Variants in ASB4 observed in about 807,000 individuals in gnomAD.
ASB4 encodes the protein ankyrin repeat and SOCS box protein 4.
ASB4 carries 35 observed loss-of-function variants against 38.6 expected under a neutral mutation model. The ratio of observed to expected loss-of-function variants is 0.91; its 90% CI spans 0.69 to 1.20. The LOEUF is 1.20. Ranked by LOEUF, ASB4 falls within the 50% of genes most tolerant of loss-of-function variation. ASB4 has a pLI of 0.00. For missense variants in ASB4, 557 were observed against 527.2 expected (o/e 1.06, Z -0.55); for synonymous variants, 195 against 201.3 (o/e 0.97, Z 0.26).
chr7:95,495,802 G>A lies in ASB4; in HGVS notation c.232G>A (p.Gly78Ser). The A allele has an allele frequency of 2.5e-6, 4 of 1,612,388 alleles. No individual in the cohort carries two copies. Among genetic ancestry groups the A allele is most frequent in the Non-Finnish European group, 3.4e-6 (4 of 1,179,718 alleles). ...SYKLKSSWATGLHLSVLFGHV... is the reference protein window; with the variant it reads ...SYKLKSSWATSLHLSVLFGHV... ...TAAATTGAAGTCTTCCTGGGCCACA[G>A]GCCTCCATCTCTCTGTCTTGTTTGG... Residue 78 changes from glycine to serine, a missense_variant, in exon 2 of 5, where the codon GGC (glycine) becomes AGC (serine). By Grantham distance (56) the Gly-to-Ser change is moderately conservative. Transcript: ENST00000325885.
chr7:95,492,879 C>T (rs1319081332), intron 1 of ASB4, among the ~76,000 whole-genome samples: 1 of 152,096 alleles, frequency 6.6e-6, no homozygotes, highest in Non-Finnish European at 1.5e-5. Flanking sequence ...TAATGTGATT[C>T]GTTCATCATC....
chr7:95,489,407 A>G (rs76440896), intron 1 of ASB4, among the ~76,000 whole-genome samples: 4,646 of 152,270 alleles, frequency 0.031, 229 homozygotes, highest in African/African-American at 0.11. Flanking sequence ...TCCAGAGTTC[A>G]TGTTCAAACT....
At chr7:95,497,001 A>G (rs1790260310) in intron 2 of ASB4, among the ~76,000 whole-genome samples, 1 of 152,132 alleles carries the variant, frequency 6.6e-6, no homozygotes. Flanking sequence ...TTAAACAGAT[A>G]GAAGAGGGCT....
upstream of ASB4, among the ~76,000 whole-genome samples, chr7:95,473,521 G>T (rs1789944719): frequency 6.6e-6 from 1 of 152,126 alleles, no homozygotes; most frequent in Non-Finnish European, 1.5e-5. Context: ...CGTACTGTTT[G>T]TCCTTACAAT....
At chr7:95,502,089 G>T (rs1417592268) in intron 2 of ASB4, among the ~76,000 whole-genome samples, 3 of 143,832 alleles carry the variant, frequency 2.1e-5, no homozygotes, top group Non-Finnish European at 4.6e-5. Flanking sequence ...TTCAATTAAA[G>T]TAATGAGGCT....
chr7:95,514,566 A>C (rs776104910), intron 2 of ASB4, among the ~76,000 whole-genome samples: 12 of 152,228 alleles, frequency 7.9e-5, no homozygotes, highest in Non-Finnish European at 1.6e-4. Context: ...TTCAGGGTAC[A>C]CAAATTCTCC....
chr7:95,542,543 G>A (rs1167240654), downstream of ASB4: 1 of 152,208 alleles, frequency 6.6e-6, no homozygotes, highest in Non-Finnish European at 1.5e-5. Flanking sequence ...CGATTTTCCT[G>A]CCTCAGCCTC....
intron 2 of ASB4, among the ~76,000 whole-genome samples, chr7:95,503,634 G>T (rs527417595): frequency 3.1e-4 from 47 of 152,262 alleles, no homozygotes; most frequent in Admixed American, 5.2e-4. Context: ...AGATACTCTG[G>T]GGGAGAACTC....
intron 2 of ASB4, among the ~76,000 whole-genome samples, chr7:95,518,073 G>C (rs1790609318): frequency 6.6e-6 from 1 of 152,166 alleles, no homozygotes; most frequent in South Asian, 2.1e-4. Flanking sequence ...AGGATAGAGA[G>C]AAGGTAAAGA....
chr7:95,549,579 G>A, the ASB4 span, among the ~76,000 whole-genome samples: 1 of 151,964 alleles, frequency 6.6e-6, no homozygotes, highest in Non-Finnish European at 1.5e-5. Context: ...TTATAGGCGT[G>A]AGCCACCGCG....
At chr7:95,488,167 C>T (rs1790119352) in intron 1 of ASB4, among the ~76,000 whole-genome samples, 1 of 152,170 alleles carries the variant, frequency 6.6e-6, no homozygotes, top group Non-Finnish European at 1.5e-5. Flanking sequence ...CGGTGAAACC[C>T]CATTTCTACT....
chr7:95,550,170 G>A, the ASB4 span, among the ~76,000 whole-genome samples: 1 of 152,138 alleles, frequency 6.6e-6, no homozygotes, highest in African/African-American at 2.4e-5. Flanking sequence ...ACACAGCAAC[G>A]TACACAGACT....
intron 1 of ASB4, among the ~76,000 whole-genome samples, chr7:95,493,364 G>T (rs956421250): frequency 3.6e-5 from 2 of 55,630 alleles, no homozygotes; most frequent in Non-Finnish European, 6.5e-5. Context: ...AGATGAAAGT[G>T]TGTGTGTGTG....
At chr7:95,478,124 A>C (rs1353793427), upstream of ASB4, among the ~76,000 whole-genome samples, 1 of 151,896 alleles carries the variant, frequency 6.6e-6, no homozygotes, top group African/African-American at 2.4e-5. Flanking sequence ...GGGAAGGATA[A>C]TTTTTTTTTC....
At chr7:95,531,981 A>C (rs1790825179) in intron 3 of ASB4, among the ~76,000 whole-genome samples, 1 of 152,188 alleles carries the variant, frequency 6.6e-6, no homozygotes, top group African/African-American at 2.4e-5. Context: ...AGAGTTGGCT[A>C]CTGGTAGATG....
intron 2 of ASB4, among the ~76,000 whole-genome samples, chr7:95,524,127 C>G (rs1790702965): frequency 6.6e-6 from 1 of 152,192 alleles, no homozygotes; most frequent in African/African-American, 2.4e-5. Context: ...CAATTCCACT[C>G]ATAGATGTAG....
At chr7:95,492,930 G>A (rs991263031) in intron 1 of ASB4, among the ~76,000 whole-genome samples, 5 of 152,082 alleles carry the variant, frequency 3.3e-5, no homozygotes, top group African/African-American at 9.7e-5. Flanking sequence ...AACTCTGCTC[G>A]GAACAGAGAT....
At chr7:95,541,229 A>G (rs951840767), downstream of ASB4, among the ~76,000 whole-genome samples, 4 of 152,186 alleles carry the variant, frequency 2.6e-5, no homozygotes, top group Non-Finnish European at 4.4e-5. Context: ...TCATTTGTAA[A>G]ATGAGAATAG....
the ASB4 span, among the ~76,000 whole-genome samples, chr7:95,546,350 G>A: frequency 3.9e-5 from 6 of 152,162 alleles, no homozygotes; most frequent in South Asian, 2.1e-4. Context: ...GACATGGGCC[G>A]CATCTAAATA....
Sources: allele counts gnomAD v4.1 joint callset (sites outside exome capture counted in the v4.1 genomes callset), GRCh38; gene constraint gnomAD v4.1.1; transcripts MANE v1.5; gene names NCBI Gene and HGNC (gene_info 2026-07-23, HGNC 2026-07-21).